Variants in CPEB2 observed in about 807,000 individuals in gnomAD.
CPEB2 encodes the protein cytoplasmic polyadenylation element binding protein 2.
In CPEB2, 56 loss-of-function variants were observed where a neutral mutation model predicts 93.6. The observed-to-expected ratio is 0.60, with a 90% confidence interval of 0.48 to 0.75. The LOEUF (loss-of-function observed/expected upper bound fraction) is 0.75. CPEB2 is among the 30% of genes least tolerant of loss of function. CPEB2 has a pLI of 0.00. For synonymous variants in CPEB2, 764 were observed against 586.3 expected (o/e 1.30, Z -4.38); for missense variants, 1,579 against 1,395.1 (o/e 1.13, Z -2.10).
chr4:15,006,197 T>A (rs1560211543), intron 1 of CPEB2, among the ~76,000 whole-genome samples: 1 of 152,196 alleles, frequency 6.6e-6, no homozygotes, highest in Non-Finnish European at 1.5e-5. Flanking sequence ...GAAAGAGTAA[T>A]AATATACTCA....
chr4:15,064,578 T>TAA (rs1168439776), intron 11 of CPEB2, among the ~76,000 whole-genome samples: 1 of 150,446 alleles, frequency 6.6e-6, no homozygotes, highest in East Asian at 1.9e-4. Context: ...AAATCTTATT[T>TAA]TAAAAAAAAA....
intron 4 of CPEB2, among the ~76,000 whole-genome samples, chr4:15,026,854 A>G (rs1239308106): frequency 2.0e-5 from 3 of 152,318 alleles, no homozygotes; most frequent in Non-Finnish European, 2.9e-5. Flanking sequence ...GTTTATTTTC[A>G]TAGCACAAAC....
intron 10 of CPEB2, among the ~76,000 whole-genome samples, chr4:15,059,630 G>A (rs576653650): frequency 6.4e-4 from 98 of 152,164 alleles, no homozygotes; most frequent in Middle Eastern, 3.4e-3. Context: ...TTTATTTTGT[G>A]TAGATCGATT....
At chr4:15,031,286 T>A (rs949187228) in intron 4 of CPEB2, among the ~76,000 whole-genome samples, 14 of 151,938 alleles carry the variant, frequency 9.2e-5, no homozygotes, top group East Asian at 1.9e-4. Context: ...TTTTTTTTTT[T>A]AAATCTTAAG....
chr4:15,004,315 A>T lies in CPEB2; in HGVS notation c.1642A>T (p.Asn548Tyr), dbSNP rs1321083155. Reference sequence around the variant, plus strand: ...GGCCGCCGCCTTCCTGCAGCAGAGGAACTCCTATAACCACCACCAGGTACG... The same window carrying T: ...GGCCGCCGCCTTCCTGCAGCAGAGGTACTCCTATAACCACCACCAGGTACG... ...AAAAAFLQQR[N>Y]SYNHHQPLLK... Residue 548 changes from asparagine (N) to tyrosine (Y), a missense_variant, in exon 1 of 12, where the codon AAC becomes TAC. This residue lies in a region of CPEB2 where 1,411 missense variants were observed against 1,056.0 expected (regional missense o/e 1.34). Coordinates refer to ENST00000538197, the MANE Select transcript of CPEB2 (RefSeq NM_001177382.2). 1 of 1,487,782 alleles carries T rather than the reference A, an allele frequency of 6.7e-7. No individual in the cohort carries two copies. Among genetic ancestry groups the T allele is most frequent in the Admixed American group, 2.3e-5 (1 of 44,088 alleles). The allele number at this position is 1,487,782 out of a possible 1,614,324, so 92.2% of individuals were successfully genotyped here.
intron 6 of CPEB2, among the ~76,000 whole-genome samples, chr4:15,043,946 A>G (rs1727426944): frequency 6.6e-6 from 1 of 152,166 alleles, no homozygotes; most frequent in African/African-American, 2.4e-5. Flanking sequence ...ATTATTAATA[A>G]TATAGTATAC....
intron 6 of CPEB2, 139 bp downstream of exon 6, chr4:15,040,626 T>A: frequency 5.7e-6 from 4 of 705,610 alleles, no homozygotes; most frequent in Non-Finnish European, 6.7e-6. Context: ...CTTGTCGAAG[T>A]TTTTAATTTT....
chr4:15,066,511 C>T lies in CPEB2; in HGVS notation c.*131C>T. On this transcript the variant is annotated 3_prime_UTR_variant, in exon 12 of 12. Transcript: ENST00000538197. ...TCACCCCAGCTATCAATACATGCAT[C>T]TTTATCAGCAGCCAAAACACTACAA... is the stretch of plus-strand genomic sequence containing the variant. 1 of 658,694 alleles carries T rather than the reference C, an allele frequency of 1.5e-6. No homozygotes were observed. The highest frequency in any genetic ancestry group is 1.9e-5 in the South Asian group (1 of 52,340). 40.8% of individuals were successfully genotyped at this position (658,694 alleles called of 1,614,324 possible). A position where few individuals can be genotyped will look rare whatever the true frequency, so the allele number is the denominator to read the frequency against.
intron 3 of CPEB2, among the ~76,000 whole-genome samples, chr4:15,008,676 T>C (rs892658814): frequency 1.3e-5 from 2 of 152,222 alleles, no homozygotes; most frequent in Admixed American, 6.5e-5. Flanking sequence ...AAAGGAATTA[T>C]ATACACAAGA....
chr4:15,003,559 T>TA lies in CPEB2; in HGVS notation c.886_887insA (p.Ser296TyrfsTer32). ...CGCGGGCGAGGGCAGCGCCGCCGAG[T>TA]CCCCCAATGCGGGCTTGGCCTCCTC... is the stretch of plus-strand genomic sequence containing the variant. On this transcript the variant is annotated frameshift_variant, in exon 1 of 12. Coordinates refer to ENST00000538197, the MANE Select transcript of CPEB2 (RefSeq NM_001177382.2). LOFTEE classifies it high-confidence loss of function. 6.9e-7 allele frequency: 1 copy of TA among 1,458,120 alleles called. No individual in the cohort carries two copies. The highest frequency in any genetic ancestry group is 1.3e-5 in the South Asian group (1 of 76,546). 90.3% of individuals were successfully genotyped at this position (1,458,120 alleles called of 1,614,324 possible).
intron 4 of CPEB2, among the ~76,000 whole-genome samples, chr4:15,026,523 G>A (rs1052518271): frequency 6.6e-5 from 10 of 152,150 alleles, no homozygotes; most frequent in South Asian, 4.1e-4. Context: ...CACCATGCCC[G>A]AACTATTTTT....
intron 1 of CPEB2, chr4:15,006,613 T>G (rs1019406812): frequency 1.3e-5 from 2 of 152,140 alleles, no homozygotes; most frequent in African/African-American, 4.8e-5. Context: ...GCAGTATACC[T>G]CAGTGGATCC....
Position 15,003,152 on chromosome 4 carries a change from C to G in CPEB2, c.479C>G (p.Thr160Ser). Reference protein sequence around the residue: ...SSASSCCCCRTSSPQDFSKRQ... With the variant: ...SSASSCCCCRSSSPQDFSKRQ... Reference sequence around the variant, plus strand: ...GCCTCCTCCTGCTGCTGCTGCCGCACCTCCTCCCCGCAGGACTTCAGTAAG... The same window carrying G: ...GCCTCCTCCTGCTGCTGCTGCCGCAGCTCCTCCCCGCAGGACTTCAGTAAG... The change falls in exon 1 of 12, where the codon ACC becomes AGC. Residue 160 changes from threonine to serine, a missense_variant. Physicochemically the swap from Thr to Ser is moderately conservative, Grantham distance 58. Coordinates refer to ENST00000538197, the MANE Select transcript of CPEB2 (RefSeq NM_001177382.2). 1.1e-5 allele frequency: 17 copies of G among 1,534,354 alleles called. No individual in the cohort carries two copies. Among genetic ancestry groups the G allele is most frequent in the Non-Finnish European group, 1.5e-5 (17 of 1,146,138 alleles).
intron 2 of CPEB2, among the ~76,000 whole-genome samples, 155 bp from the exon 3 acceptor site, chr4:15,008,183 G>A (rs770770083): frequency 6.6e-6 from 1 of 151,988 alleles, no homozygotes; most frequent in Non-Finnish European, 1.5e-5. Flanking sequence ...TTGCAAGTGA[G>A]GTTTTTGTTT....
chr4:15,029,225 G>A (rs1725823482), intron 4 of CPEB2, among the ~76,000 whole-genome samples: 1 of 151,858 alleles, frequency 6.6e-6, no homozygotes, highest in Middle Eastern at 3.4e-3. Flanking sequence ...GGAACATTTT[G>A]GAATTTTTTT....
chr4:15,057,029 CCAA>C (rs998297785), intron 8 of CPEB2, among the ~76,000 whole-genome samples: 1 of 151,542 alleles, frequency 6.6e-6, no homozygotes, highest in Non-Finnish European at 1.5e-5. Context: ...TGAAAATTGG[CCAA>C]CATTAAAATA....
rs534464138 is a variant in CPEB2, at chr4:15,067,956, C to G, written c.*1576C>G. On this transcript the variant is annotated 3_prime_UTR_variant, in exon 12 of 12. Coordinates refer to ENST00000538197, the MANE Select transcript of CPEB2 (RefSeq NM_001177382.2). ...AACATGCAGTAGTTAATGAGTTTCTCTTGGTACTGAACACTATTAGAATAT... is the reference window on the plus strand; with the variant it reads ...AACATGCAGTAGTTAATGAGTTTCTGTTGGTACTGAACACTATTAGAATAT... 1 of 152,372 alleles carries G rather than the reference C, an allele frequency of 6.6e-6. No individual in the cohort carries two copies. Among genetic ancestry groups the G allele is most frequent in the Admixed American group, 6.6e-5 (1 of 15,234 alleles). The allele number at this position is 152,372 out of a possible 1,614,324, so 9.4% of individuals were successfully genotyped here. A position where few individuals can be genotyped will look rare whatever the true frequency, so the allele number is the denominator to read the frequency against.
chr4:15,023,398 C>CA lies in CPEB2; in HGVS notation c.2125+6128dup, dbSNP rs533090319. ...TTTTAAAGTGTTTGTTTTCCTGTTA[C>CA]AAAAAAAATAGTATTCATTTATTAA... is the stretch of plus-strand genomic sequence containing the variant. On this transcript the variant is annotated intron_variant, in intron 4 of 11. Coordinates refer to ENST00000538197, the MANE Select transcript of CPEB2 (RefSeq NM_001177382.2). 4.3e-3 allele frequency among the ~76,000 whole-genome samples: 645 copies of CA among 150,902 alleles called. 6 individuals carry two copies. The highest frequency in any genetic ancestry group is 0.014 in the Middle Eastern group (4 of 292).
intron 6 of CPEB2, among the ~76,000 whole-genome samples, chr4:15,048,788 G>A (rs1727954524): frequency 6.6e-6 from 1 of 152,030 alleles, no homozygotes; most frequent in Non-Finnish European, 1.5e-5. Context: ...CCTTTGAGGT[G>A]TAAGAACCTG....
Sources: gnomAD v4.1 joint callset for allele counts (sites outside exome capture counted in the v4.1 genomes callset) on GRCh38, gnomAD v4.1.1 for gene constraint, gnomAD v4.1.1 regional missense constraint, MANE v1.5 for transcripts, NCBI Gene and HGNC (gene_info 2026-07-23, HGNC 2026-07-21) for gene names.